The following WHRN variants were observed in gnomAD, a reference collection of about 807,000 sequenced individuals.
WHRN encodes the protein CASK-interacting protein CIP98.
A neutral mutation model predicts 68.3 loss-of-function variants in WHRN; 41 were observed. The observed-to-expected ratio is 0.60, with a 90% CI of 0.47 to 0.78. WHRN has a LOEUF of 0.78. Among genes scored for constraint, WHRN ranks in the 30% least tolerant of loss-of-function variants. The pLI is 0.00. For missense variants in WHRN, 1,243 were observed against 1,244.7 expected, an observed-to-expected ratio of 1.00 and a Z score of 0.02; for synonymous variants, 560 against 561.3, an observed-to-expected ratio of 1.00 and a Z score of 0.03.
rs1317293255 is a variant in WHRN at position 114,466,247 on chromosome 9, T to G, written c.963+20A>C. Reference sequence around the variant, plus strand: ...AGAGCTCCATGCACAGAGTTTTCCCTCCCTCAGGCCCTCCCTCACCTTGAG... The same window carrying G: ...AGAGCTCCATGCACAGAGTTTTCCCGCCCTCAGGCCCTCCCTCACCTTGAG... On this transcript the variant is annotated intron_variant, in intron 3 of 11. Transcript: ENST00000362057. The G allele has an allele frequency of 1.2e-6, 2 of 1,613,624 alleles. No homozygotes were observed. Among genetic ancestry groups the G allele is most frequent in the Middle Eastern group, 1.6e-4 (1 of 6,062 alleles).
Position 114,504,202 on chromosome 9 carries a change from G to C in WHRN, c.600C>G (p.Thr200=). The C allele has an allele frequency of 6.2e-7, 1 of 1,614,162 alleles. No homozygotes were observed. The highest frequency in any genetic ancestry group is 1.1e-5 in the South Asian group (1 of 91,082). The change falls in exon 1 of 12, where the codon ACC becomes ACG. Residue 200 remains threonine (T), a synonymous_variant. Coordinates refer to ENST00000362057, the MANE Select transcript of WHRN (RefSeq NM_015404.4). ...RVNDKSLARV[T]HAEAVKALKG... is the part of the protein sequence containing the mutation. Reference sequence around the variant, plus strand: ...GCCTTACCTTGACGGCCTCCGCGTGGGTCACCCGGGCCAGGGATTTGTCGT... The same window carrying C: ...GCCTTACCTTGACGGCCTCCGCGTGCGTCACCCGGGCCAGGGATTTGTCGT...
chr9:114,430,137 G>A (rs1837284849), intron 3 of WHRN, among the ~76,000 whole-genome samples: 1 of 152,194 alleles, frequency 6.6e-6, no homozygotes, highest in Admixed American at 6.5e-5. Flanking sequence ...CAAGAGACCA[G>A]CTACGGAAGG....
At chr9:114,502,303 A>G (rs939895562) in intron 1 of WHRN, among the ~76,000 whole-genome samples, 5 of 152,218 alleles carry the variant, frequency 3.3e-5, no homozygotes, top group African/African-American at 1.2e-4. Context: ...ACAGGCTGCC[A>G]CACTTAAAGG....
At chr9:114,473,027 T>C (rs932705009) in intron 2 of WHRN, among the ~76,000 whole-genome samples, 2 of 152,206 alleles carry the variant, frequency 1.3e-5, no homozygotes, top group Non-Finnish European at 2.9e-5. Context: ...GTTCCAGGCT[T>C]GTAGCAGCCT....
intron 1 of WHRN, among the ~76,000 whole-genome samples, chr9:114,479,566 G>A (rs925092835): frequency 6.6e-6 from 1 of 152,164 alleles, no homozygotes; most frequent in Non-Finnish European, 1.5e-5. Context: ...GCACAGAGTC[G>A]ACAGATAAAA....
rs1315286924 is a variant in WHRN at position 114,406,869 on chromosome 9, C to G, written c.1722G>C (p.Gln574His). The part of the protein sequence containing the change: ...VSVDDVRSTS[Q>H]GLSSFKPLPR... The stretch of plus-strand genomic sequence containing the variant: ...GCAGTGGCTTGAAGCTTGACAGCCC[C>G]TGGGAGGTGGATCTGACATCATCCT... The change falls in exon 9 of 12, where the codon CAG becomes CAC. Residue 574 changes from glutamine (Q) to histidine (H), a missense_variant. Coordinates refer to ENST00000362057, the MANE Select transcript of WHRN (RefSeq NM_015404.4). The G allele has an allele frequency of 6.3e-7, 1 of 1,585,310 alleles. No individual in the cohort carries two copies. Among genetic ancestry groups the G allele is most frequent in the Non-Finnish European group, 8.6e-7 (1 of 1,165,974 alleles).
chr9:114,479,962 C>G (rs1210033277), intron 1 of WHRN, among the ~76,000 whole-genome samples: 2 of 152,166 alleles, frequency 1.3e-5, no homozygotes, highest in East Asian at 3.8e-4. Flanking sequence ...ACTTGGGAGG[C>G]TGAGGCAAGA....
At chr9:114,471,663 C>T (rs1265017480) in intron 2 of WHRN, among the ~76,000 whole-genome samples, 1 of 152,224 alleles carries the variant, frequency 6.6e-6, no homozygotes. Context: ...CGACTAGGTC[C>T]AAGAGGCAGC....
intron 7 of WHRN, among the ~76,000 whole-genome samples, chr9:114,412,196 C>T (rs577132445): frequency 6.6e-6 from 1 of 152,358 alleles, no homozygotes; most frequent in South Asian, 2.1e-4. Context: ...GTCCCAAGTC[C>T]CCGAGCCATG....
chr9:114,501,485 A>C (rs562550820), intron 1 of WHRN, among the ~76,000 whole-genome samples: 1 of 151,818 alleles, frequency 6.6e-6, no homozygotes, highest in African/African-American at 2.4e-5. Context: ...AAAAGCTGCA[A>C]CTTTCCTTTA....
At chr9:114,492,390 T>G (rs1299253278) in intron 1 of WHRN, among the ~76,000 whole-genome samples, 1 of 152,186 alleles carries the variant, frequency 6.6e-6, no homozygotes, top group Non-Finnish European at 1.5e-5. Flanking sequence ...AAGAAGAAAT[T>G]AGTTAAATAA....
chr9:114,460,640 C>T (rs531305051), intron 3 of WHRN, among the ~76,000 whole-genome samples: 3 of 152,272 alleles, frequency 2.0e-5, no homozygotes, highest in African/African-American at 7.2e-5. Context: ...TTCCATGGGG[C>T]CTTCCCAGGG....
intron 2 of WHRN, among the ~76,000 whole-genome samples, chr9:114,468,187 G>A (rs377166000): frequency 6.6e-6 from 1 of 152,102 alleles, no homozygotes; most frequent in Non-Finnish European, 1.5e-5. Flanking sequence ...GTCTTATAAG[G>A]TTACCATGAA....
intron 3 of WHRN, among the ~76,000 whole-genome samples, chr9:114,436,059 G>A (rs1837823042): frequency 1.3e-5 from 2 of 152,132 alleles, no homozygotes; most frequent in African/African-American, 4.8e-5. Context: ...AAAAATTCAT[G>A]GGGAAAAATA....
At chr9:114,454,914 T>C (rs1839645966) in intron 3 of WHRN, among the ~76,000 whole-genome samples, 1 of 152,256 alleles carries the variant, frequency 6.6e-6, no homozygotes, top group Non-Finnish European at 1.5e-5. Flanking sequence ...CACACAAATA[T>C]ACCCAAGTGA....
chr9:114,424,897 G>A, intron 5 of WHRN, 91 bp downstream of exon 5: 1 of 1,381,100 alleles, frequency 7.2e-7, no homozygotes, highest in Middle Eastern at 1.8e-4. Flanking sequence ...GAATGAGGTA[G>A]TGTAAGTCAC....
In WHRN at chr9:114,423,329, G is replaced by A. The variant is rs201280818; in HGVS notation, c.1611C>T (p.Thr537=). The A allele has an allele frequency of 3.0e-5, 48 of 1,613,944 alleles. No homozygotes were observed. The African/African-American group carries it at 3.9e-4, about 13-fold the overall frequency. Residue 537 remains threonine, a synonymous_variant, in exon 7 of 12, where the codon ACC becomes ACT. Transcript: ENST00000362057. ...SSTGSHGTST[T]VSSARNTLDL... is the part of the protein sequence containing the mutation. ...AGAAGCTCACCCTGGCCGAGCTGAC[G>A]GTGGTGGAGGTGCCGTGGCTGCCTG...
intron 7 of WHRN, among the ~76,000 whole-genome samples, chr9:114,409,251 C>T (rs1388909036): frequency 6.6e-6 from 1 of 150,828 alleles, no homozygotes. Flanking sequence ...AGAGGTGGGA[C>T]ACCAACCCTG....
chr9:114,477,609 A>C (rs1432560331), intron 2 of WHRN, among the ~76,000 whole-genome samples: 2 of 151,852 alleles, frequency 1.3e-5, no homozygotes, highest in Non-Finnish European at 2.9e-5. Flanking sequence ...AAGTCCCTAG[A>C]CATCCCTGCC....
Sources: gnomAD v4.1 joint callset for allele counts (sites outside exome capture counted in the v4.1 genomes callset) on GRCh38, gnomAD v4.1.1 for gene constraint, MANE v1.5 for transcripts, NCBI Gene and HGNC (gene_info 2026-07-23, HGNC 2026-07-21) for gene names.